Variants in NKAIN2 observed in about 807,000 individuals in gnomAD.
NKAIN2 encodes the protein sodium/potassium transporting ATPase interacting 2, also known as sodium/potassium-transporting ATPase subunit beta-1-interacting protein 2.
In NKAIN2, 14 loss-of-function variants were observed where a neutral mutation model predicts 32.6. The observed-to-expected ratio is 0.43, with a 90% CI of 0.28 to 0.67. The LOEUF (loss-of-function observed/expected upper bound fraction) is 0.67, where lower values mean the gene tolerates loss of function less well. NKAIN2 is among the 30% of genes least tolerant of loss of function. NKAIN2 has a pLI of 0.17. For synonymous variants in NKAIN2, 80 were observed against 87.2 expected (o/e 0.92, Z 0.46); for missense variants, 198 against 258.3 (o/e 0.77, Z 1.60).
Position 124,090,549 on chromosome 6 carries a change from G to A in NKAIN2, c.55-192456G>A, listed in dbSNP as rs78905660. 3.2e-3 allele frequency among the ~76,000 whole-genome samples: 484 copies of A among 152,078 alleles called. 20 individuals carry two copies. The East Asian group carries it at 0.086, about 27-fold the overall frequency. On this transcript the variant is annotated intron_variant, in intron 1 of 6. Coordinates refer to ENST00000368417, the MANE Select transcript of NKAIN2 (RefSeq NM_001040214.3). ...GTCAGATGAGATGATAATAGGTGTC[G>A]TGTTTAACAGCAAGGCTTGCAAGTC...
chr6:124,398,003 C>T (rs1426592153), intron 3 of NKAIN2, among the ~76,000 whole-genome samples: 6 of 151,882 alleles, frequency 4.0e-5, no homozygotes. Flanking sequence ...CCTGTAATCC[C>T]AGCACTTTGG....
rs186152228 is a variant in NKAIN2 at position 124,544,251 on chromosome 6, A to G, written c.274-113935A>G. Among the ~76,000 whole-genome samples, 299 of 152,078 alleles carry G rather than the reference A, an allele frequency of 2.0e-3. 1 individual carries two copies. Among genetic ancestry groups the G allele is most frequent in the African/African-American group, 4.4e-3 (182 of 41,430 alleles). ...TGTCAGGCTTGGAGAGCAGGAGCCAACCAGGGACATTACAGTCGAGAAGGA... is the reference window on the plus strand; with the variant it reads ...TGTCAGGCTTGGAGAGCAGGAGCCAGCCAGGGACATTACAGTCGAGAAGGA... On this transcript the variant is annotated intron_variant, in intron 3 of 6. Coordinates refer to ENST00000368417, the MANE Select transcript of NKAIN2 (RefSeq NM_001040214.3).
intron 3 of NKAIN2, among the ~76,000 whole-genome samples, chr6:124,458,170 T>G (rs1388553737): frequency 6.6e-6 from 1 of 151,976 alleles, no homozygotes; most frequent in Admixed American, 6.6e-5. Context: ...ATTGAAAAAG[T>G]AAAGTATTGA....
chr6:123,844,731 A>T lies in NKAIN2; in HGVS notation c.54+40477A>T, dbSNP rs537384617. On this transcript the variant is annotated intron_variant, in intron 1 of 6. Coordinates refer to ENST00000368417, the MANE Select transcript of NKAIN2 (RefSeq NM_001040214.3). ...AGAGTTTATCTTACCATCTGATTTA[A>T]ATCCTGCTGTACAAGGCTAACAGAT... Among the ~76,000 whole-genome samples the T allele has an allele frequency of 9.8e-4, 150 of 152,308 alleles. 2 individuals carry two copies. Among genetic ancestry groups the T allele is most frequent in the African/African-American group, 3.5e-3 (147 of 41,566 alleles).
At chr6:124,667,200 A>T (rs1241190875) in intron 4 of NKAIN2, among the ~76,000 whole-genome samples, 1 of 152,150 alleles carries the variant, frequency 6.6e-6, no homozygotes, top group Non-Finnish European at 1.5e-5. Context: ...AGCATATCAC[A>T]TTCTAAGGAA....
intron 3 of NKAIN2, among the ~76,000 whole-genome samples, chr6:124,484,256 C>G (rs1278248666): frequency 6.6e-6 from 1 of 152,196 alleles, no homozygotes; most frequent in Non-Finnish European, 1.5e-5. Flanking sequence ...CTTGAAGCCA[C>G]TGTTTAGAAT....
chr6:124,356,634 C>T (rs1460911879), intron 3 of NKAIN2, among the ~76,000 whole-genome samples: 1 of 152,020 alleles, frequency 6.6e-6, no homozygotes, highest in East Asian at 1.9e-4. Flanking sequence ...CAGGAAGGTG[C>T]CGTGACCAAT....
intron 1 of NKAIN2, among the ~76,000 whole-genome samples, chr6:123,941,925 G>A (rs1776845771): frequency 2.0e-5 from 3 of 151,712 alleles, no homozygotes; most frequent in African/African-American, 7.3e-5. Flanking sequence ...TTCAGCTTCA[G>A]TTTGACTTGA....
intron 1 of NKAIN2, among the ~76,000 whole-genome samples, chr6:124,167,159 G>T: frequency 6.8e-6 from 1 of 147,392 alleles, no homozygotes; most frequent in Non-Finnish European, 1.5e-5. Context: ...AGCATGGAAT[G>T]TTCTTCCATT....
intron 1 of NKAIN2, among the ~76,000 whole-genome samples, chr6:123,908,132 G>A (rs1247090902): frequency 1.3e-5 from 2 of 152,150 alleles, no homozygotes; most frequent in Non-Finnish European, 2.9e-5. Context: ...ACAGGTAATT[G>A]CAACTTCATA....
intron 3 of NKAIN2, among the ~76,000 whole-genome samples, chr6:124,522,906 G>C (rs1176547851): frequency 6.6e-6 from 1 of 151,792 alleles, no homozygotes; most frequent in Non-Finnish European, 1.5e-5. Flanking sequence ...CACTTTGGGA[G>C]GCCGAGGCGG....
intron 3 of NKAIN2, among the ~76,000 whole-genome samples, chr6:124,371,709 A>AAAAAAAAAAAAAAAAG (rs1554196667): frequency 6.6e-6 from 1 of 151,178 alleles, no homozygotes; most frequent in African/African-American, 2.4e-5. Context: ...AAAAAAAAAA[A>AAAAAAAAAAAAAAAAG]AAAGAAAGAA....
chr6:124,275,393 G>A (rs879912994), intron 1 of NKAIN2, among the ~76,000 whole-genome samples: 3 of 152,044 alleles, frequency 2.0e-5, no homozygotes, highest in Non-Finnish European at 2.9e-5. Context: ...ATGAGAAAAT[G>A]CACTTCTTGT....
intron 3 of NKAIN2, among the ~76,000 whole-genome samples, chr6:124,630,166 A>G (rs1158592866): frequency 2.0e-5 from 3 of 152,188 alleles, no homozygotes; most frequent in African/African-American, 7.2e-5. Context: ...ATACGGGCAA[A>G]TAAATCCAGG....
intron 4 of NKAIN2, among the ~76,000 whole-genome samples, chr6:124,763,022 A>ATT (rs1201081749): frequency 6.6e-6 from 1 of 152,210 alleles, no homozygotes. Flanking sequence ...AACCTGGAGA[A>ATT]CATTATGCTA....
intron 1 of NKAIN2, among the ~76,000 whole-genome samples, chr6:123,944,904 A>G (rs545293886): frequency 5.4e-4 from 82 of 152,132 alleles, no homozygotes; most frequent in African/African-American, 1.8e-3. Context: ...TATCTAAGGG[A>G]TAAGAGCAGT....
chr6:124,490,363 G>A (rs751975443), intron 3 of NKAIN2: 18 of 439,088 alleles, frequency 4.1e-5, no homozygotes. Context: ...ATGTGGCAAA[G>A]GGTTGTGGAA....
chr6:123,826,497 C>T (rs972806505), intron 1 of NKAIN2, among the ~76,000 whole-genome samples: 17 of 152,062 alleles, frequency 1.1e-4, no homozygotes, highest in African/African-American at 4.1e-4. Flanking sequence ...AACCCTTTCC[C>T]ATTGAACAGT....
Position 124,710,692 on chromosome 6 carries a change from C to T in NKAIN2, c.474+52306C>T, listed in dbSNP as rs553421718. Among the ~76,000 whole-genome samples, 342 of 149,016 alleles carry T rather than the reference C, an allele frequency of 2.3e-3. 1 individual carries two copies. Among genetic ancestry groups the T allele is most frequent in the African/African-American group, 7.9e-3 (320 of 40,374 alleles). The stretch of plus-strand genomic sequence containing the variant: ...GTTTTCCATTTGCTTGGTAGATCTT[C>T]CTCCATCCTTTTATTTTGAGCCTAT... On this transcript the variant is annotated intron_variant, in intron 4 of 6. Transcript: ENST00000368417.
Sources: allele counts gnomAD v4.1 joint callset (sites outside exome capture counted in the v4.1 genomes callset), GRCh38; gene constraint gnomAD v4.1.1; transcripts MANE v1.5; gene names NCBI Gene and HGNC (gene_info 2026-07-23, HGNC 2026-07-21).